The following ZCWPW2 variants were observed in gnomAD, a reference collection of about 807,000 sequenced individuals.
The protein encoded by ZCWPW2 is zinc finger CW-type and PWWP domain containing 2.
Under a neutral mutation model 46.6 loss-of-function variants are expected in ZCWPW2, and 45 were observed. The ratio of observed to expected loss-of-function variants is 0.96; its 90% CI spans 0.76 to 1.24. ZCWPW2 has a LOEUF of 1.24. Among genes scored for constraint, ZCWPW2 ranks in the 50% most tolerant of loss-of-function variants. The pLI, the probability that ZCWPW2 is intolerant of heterozygous loss-of-function variation, is 0.00. For missense variants in ZCWPW2, 429 were observed against 403.9 expected (o/e 1.06, Z -0.53); for synonymous variants, 152 against 137.1 (o/e 1.11, Z -0.76).
At position 28,525,587 on chromosome 3, in the gene ZCWPW2, G is replaced by A. The variant is rs916952152; in HGVS notation, c.*899G>A. ...GCTTGAGGAGAGAAGAAGTGCACGA[G>A]AGCATCACCACAGCGGTGAATTTTA... On this transcript the variant is annotated 3_prime_UTR_variant, in exon 10 of 10. Transcript: ENST00000383768. Among the ~76,000 whole-genome samples the A allele has an allele frequency of 6.6e-6, 1 of 152,112 alleles. No homozygotes were observed. The highest frequency in any genetic ancestry group is 1.5e-5 in the Non-Finnish European group (1 of 68,010).
At chr3:28,408,514 A>C (rs960784046) in intron 2 of ZCWPW2, among the ~76,000 whole-genome samples, 1 of 152,216 alleles carries the variant, frequency 6.6e-6, no homozygotes, top group Non-Finnish European at 1.5e-5. Flanking sequence ...TAGATAATAT[A>C]TTCTATAAAC....
chr3:28,421,215 C>A (rs539961915), intron 3 of ZCWPW2, among the ~76,000 whole-genome samples: 3 of 152,042 alleles, frequency 2.0e-5, no homozygotes, highest in African/African-American at 7.2e-5. Context: ...AGTTCAAGCT[C>A]CCCACTCACA....
Position 28,352,126 on chromosome 3 carries a change from GCACA to G in ZCWPW2, c.-134+2961_-134+2964del, listed in dbSNP as rs111383620. On this transcript the variant is annotated intron_variant, in intron 1 of 9. Transcript: ENST00000383768. The stretch of plus-strand genomic sequence containing the variant: ...TCCTTTCCCTCTATCTCAGATGTAT[GCACA>G]CACACACACACACACACACACACAC... 8.1e-3 allele frequency among the ~76,000 whole-genome samples: 1,056 copies of G among 129,678 alleles called. 7 individuals are homozygous for G. Among genetic ancestry groups the G allele is most frequent in the East Asian group, 0.03 (130 of 4,382 alleles). 85.1% of individuals were successfully genotyped at this position (129,678 alleles called of 152,430 possible). A position where few individuals can be genotyped will look rare whatever the true frequency, so the allele number is the denominator to read the frequency against.
intron 1 of ZCWPW2, among the ~76,000 whole-genome samples, chr3:28,354,049 A>G (rs1256901448): frequency 6.6e-6 from 1 of 152,212 alleles, no homozygotes; most frequent in Non-Finnish European, 1.5e-5. Context: ...AGGCACTGGG[A>G]TGAAATAGGC....
intron 1 of ZCWPW2, among the ~76,000 whole-genome samples, chr3:28,357,146 A>G (rs557470749): frequency 9.3e-4 from 141 of 152,240 alleles, no homozygotes; most frequent in Non-Finnish European, 1.7e-3. Flanking sequence ...TTTCATTTAC[A>G]TTATAAAAAC....
intron 1 of ZCWPW2, among the ~76,000 whole-genome samples, chr3:28,380,959 T>C (rs867512797): frequency 0.2 from 10,661 of 54,102 alleles, 3,536 homozygotes; most frequent in Middle Eastern, 0.23. Context: ...TATATATATA[T>C]ATATATATAT....
intron 6 of ZCWPW2, among the ~76,000 whole-genome samples, chr3:28,501,790 C>T (rs780299946): frequency 6.6e-6 from 1 of 152,066 alleles, no homozygotes; most frequent in African/African-American, 2.4e-5. Context: ...AGGCTGTCGC[C>T]CAGGCTGGCA....
In ZCWPW2 at chr3:28,355,830, C is replaced by T. The variant is rs532431844; in HGVS notation, c.-134+6627C>T. Among the ~76,000 whole-genome samples the T allele has an allele frequency of 1.5e-4, 23 of 152,320 alleles. No homozygotes were observed. In the East Asian group the frequency reaches 4.2e-3, roughly 28 times the overall value. The stretch of plus-strand genomic sequence containing the variant: ...GCTGAAACTGGATCCCTTCCTTACA[C>T]CTTGTACAAAAATTAATTCAAGATG... On this transcript the variant is annotated intron_variant, in intron 1 of 9. Coordinates refer to ENST00000383768, the MANE Select transcript of ZCWPW2 (RefSeq NM_001040432.4).
intron 6 of ZCWPW2, among the ~76,000 whole-genome samples, chr3:28,503,281 A>C (rs1468023771): frequency 1.3e-5 from 2 of 152,154 alleles, no homozygotes; most frequent in African/African-American, 4.8e-5. Context: ...AACAGCTGCC[A>C]GATGTTGTCC....
intron 5 of ZCWPW2, 53 bp downstream of exon 5, chr3:28,478,984 A>C: frequency 2.5e-6 from 3 of 1,179,722 alleles, no homozygotes; most frequent in Non-Finnish European, 2.4e-6. Context: ...ATTCAAATGC[A>C]TGTTTTCCAA....
At chr3:28,367,615 T>C (rs961155661) in intron 1 of ZCWPW2, among the ~76,000 whole-genome samples, 2 of 152,322 alleles carry the variant, frequency 1.3e-5, no homozygotes, top group East Asian at 3.9e-4. Context: ...AAAGAATGTA[T>C]ATTCTGTTGA....
chr3:28,430,874 A>T (rs976964320), intron 3 of ZCWPW2, among the ~76,000 whole-genome samples: 6 of 152,110 alleles, frequency 3.9e-5, no homozygotes, highest in Admixed American at 3.9e-4. Flanking sequence ...CCATGATTGT[A>T]AGTTTCCTAA....
chr3:28,384,556 A>C (rs920606214), intron 1 of ZCWPW2, among the ~76,000 whole-genome samples: 11 of 150,920 alleles, frequency 7.3e-5, no homozygotes, highest in Non-Finnish European at 1.6e-4. Flanking sequence ...TTTTCAGTGT[A>C]CCTTTAGTTA....
intron 1 of ZCWPW2, among the ~76,000 whole-genome samples, chr3:28,357,630 C>G (rs1156489475): frequency 2.0e-5 from 3 of 151,734 alleles, no homozygotes; most frequent in Non-Finnish European, 4.4e-5. Flanking sequence ...TGCCTGTGGA[C>G]TAGAATTTAT....
At chr3:28,512,924 A>C (rs746384321) in intron 6 of ZCWPW2, among the ~76,000 whole-genome samples, 2 of 151,954 alleles carry the variant, frequency 1.3e-5, no homozygotes, top group African/African-American at 4.9e-5. Context: ...CTGTAATACA[A>C]ACTTACAAAA....
intron 2 of ZCWPW2, among the ~76,000 whole-genome samples, chr3:28,395,591 T>A (rs1345796437): frequency 1.3e-5 from 2 of 152,078 alleles, no homozygotes; most frequent in Non-Finnish European, 2.9e-5. Context: ...AAGGAGAAAA[T>A]CTTGTCATTA....
In ZCWPW2 at chr3:28,404,753, A is replaced by G. The variant is rs550304421; in HGVS notation, c.-13-8303A>G. Among the ~76,000 whole-genome samples the G allele has an allele frequency of 2.0e-5, 3 of 152,216 alleles. No homozygotes were observed. The South Asian group carries it at 6.2e-4, about 32-fold the overall frequency. On this transcript the variant is annotated intron_variant, in intron 2 of 9. Transcript: ENST00000383768. The stretch of plus-strand genomic sequence containing the variant: ...AGTGACCTGGATGAGATTGGAGACT[A>G]TTATTCTAAGTGATGTAACTCAGGA...
intron 4 of ZCWPW2, among the ~76,000 whole-genome samples, chr3:28,448,412 A>G (rs1371910697): frequency 6.6e-6 from 1 of 152,158 alleles, no homozygotes; most frequent in Non-Finnish European, 1.5e-5. Flanking sequence ...ACTACAAAAC[A>G]TTGGTGAACA....
At chr3:28,515,430 A>G in intron 7 of ZCWPW2, 124 bp from the exon 8 acceptor site, 2 of 746,916 alleles carry the variant, frequency 2.7e-6, no homozygotes, top group Non-Finnish European at 4.3e-6. Context: ...AAAACAACCA[A>G]GAGAATTACC....
Sources: gnomAD v4.1 joint callset for allele counts (sites outside exome capture counted in the v4.1 genomes callset) on GRCh38, gnomAD v4.1.1 for gene constraint, MANE v1.5 for transcripts, NCBI Gene and HGNC (gene_info 2026-07-23, HGNC 2026-07-21) for gene names.